The following PRKN variants were observed in gnomAD, a reference collection of about 807,000 sequenced individuals.
PRKN encodes E3 ubiquitin-protein ligase parkin.
PRKN carries 56 observed loss-of-function variants against 59.5 expected under a neutral mutation model. The observed-to-expected ratio is 0.94, with a 90% CI of 0.76 to 1.18. The LOEUF (loss-of-function observed/expected upper bound fraction) is 1.18, where lower values mean the gene tolerates loss of function less well. PRKN is among the 50% of genes most tolerant of loss of function. PRKN has a pLI of 0.00. For synonymous variants in PRKN, 250 were observed against 222.1 expected (o/e 1.13, Z -1.12); for missense variants, 657 against 596.4 (o/e 1.10, Z -1.06).
In PRKN at chr6:161,488,464, C is replaced by T. The variant is rs898198651; in HGVS notation, c.1083+60390G>A. On this transcript the variant is annotated intron_variant, in intron 9 of 11. Coordinates refer to ENST00000366898, the MANE Select transcript of PRKN (RefSeq NM_004562.3). This position sits in a 1 kb window ranked among gnomAD's most constrained non-coding sequence, Gnocchi z 4.5. ...GAGGAGCAGAGAAGATAACAGAGAC[C>T]GAGAAGGACATCTGAATTTATTATA... Among the ~76,000 whole-genome samples, 5 of 152,104 alleles carry T rather than the reference C, an allele frequency of 3.3e-5. No homozygotes were observed. The highest frequency in any genetic ancestry group is 3.9e-4 in the East Asian group (2 of 5,178).
intron 9 of PRKN, among the ~76,000 whole-genome samples, chr6:161,528,793 G>T (rs1478726228): frequency 6.6e-6 from 1 of 152,120 alleles, no homozygotes; most frequent in African/African-American, 2.4e-5. Context: ...CTGGGGAGGT[G>T]ACTTTTTGTC....
intron 6 of PRKN, among the ~76,000 whole-genome samples, chr6:161,920,291 T>C (rs1778731576): frequency 6.6e-6 from 1 of 151,570 alleles, no homozygotes; most frequent in African/African-American, 2.4e-5. Flanking sequence ...GGCTGAGGCA[T>C]GAGACGTGCT....
In PRKN at chr6:161,566,013, C is replaced by T. The variant is rs544658001; in HGVS notation, c.933+3342G>A. 5.6e-4 allele frequency among the ~76,000 whole-genome samples: 86 copies of T among 152,292 alleles called. 3 individuals carry two copies. In the South Asian group the frequency reaches 0.017, roughly 31 times the overall value. On this transcript the variant is annotated intron_variant, in intron 8 of 11. Transcript: ENST00000366898. The surrounding 1 kb of genome is among the most constrained non-coding windows in gnomAD (Gnocchi z 4.1). ...CTTCCCCCTTCTGCATCATCAGTCT[C>T]CCAACTCCTCTACTGAATCATTACC... is the stretch of plus-strand genomic sequence containing the variant.
intron 2 of PRKN, among the ~76,000 whole-genome samples, chr6:162,267,459 C>T (rs549699296): frequency 3.2e-4 from 48 of 152,218 alleles, no homozygotes; most frequent in African/African-American, 1.1e-3. Flanking sequence ...AAGAGATTTT[C>T]GGTGGGAAGA....
chr6:162,524,511 T>A (rs368226855), intron 1 of PRKN, among the ~76,000 whole-genome samples: 2 of 152,190 alleles, frequency 1.3e-5, no homozygotes, highest in Admixed American at 1.3e-4. Flanking sequence ...ATATAATGCA[T>A]GGACCTTGGT....
intron 4 of PRKN, among the ~76,000 whole-genome samples, chr6:162,186,719 G>A (rs1042075732): frequency 1.3e-5 from 2 of 152,170 alleles, no homozygotes; most frequent in African/African-American, 4.8e-5. Context: ...TTGGGATGGT[G>A]AGTGAGCTTT....
intron 4 of PRKN, among the ~76,000 whole-genome samples, chr6:162,072,637 G>A (rs1258660763): frequency 1.3e-5 from 2 of 152,140 alleles, no homozygotes; most frequent in African/African-American, 2.4e-5. Context: ...TAACTGTAAT[G>A]TACACAAGTT....
intron 1 of PRKN, among the ~76,000 whole-genome samples, chr6:162,633,585 AATC>A (rs1302103183): frequency 1.3e-5 from 2 of 152,122 alleles, no homozygotes; most frequent in African/African-American, 4.8e-5. Flanking sequence ...CTAGTTGAGA[AATC>A]ATGTGAATTC....
At chr6:161,650,627 C>T (rs994836010) in intron 7 of PRKN, among the ~76,000 whole-genome samples, 6 of 152,180 alleles carry the variant, frequency 3.9e-5, no homozygotes, top group African/African-American at 1.4e-4. Context: ...CATCACTTTA[C>T]TTAACCTCTT....
chr6:162,565,645 G>A (rs184663052), intron 1 of PRKN, among the ~76,000 whole-genome samples: 3 of 152,114 alleles, frequency 2.0e-5, no homozygotes, highest in African/African-American at 7.2e-5. Context: ...AGCTGAGATC[G>A]TGCCATTGCA....
intron 7 of PRKN, among the ~76,000 whole-genome samples, chr6:161,690,265 T>G (rs906751636): frequency 1.3e-5 from 2 of 152,164 alleles, no homozygotes; most frequent in Non-Finnish European, 2.9e-5. Flanking sequence ...TGGAAGGCAC[T>G]GCTGCGCACC....
intron 9 of PRKN, among the ~76,000 whole-genome samples, chr6:161,408,317 T>TAAAAAAAAAAAAAAAAAAA (rs35131999): frequency 1.0e-5 from 1 of 99,538 alleles, no homozygotes. Flanking sequence ...GAAAAACTGG[T>TAAAAAAAAAAAAAAAAAAA]AAAAAAAAAA....
chr6:161,508,603 A>G (rs974986985), intron 9 of PRKN, among the ~76,000 whole-genome samples: 3 of 152,036 alleles, frequency 2.0e-5, no homozygotes, highest in South Asian at 4.1e-4. Context: ...CCCTTAATAC[A>G]CTTAATAAAT....
intron 1 of PRKN, among the ~76,000 whole-genome samples, chr6:162,561,142 G>A (rs535190698): frequency 4.6e-5 from 7 of 152,110 alleles, no homozygotes; most frequent in Non-Finnish European, 8.8e-5. Flanking sequence ...AGTCCCAAGC[G>A]CATGGAGTGA....
chr6:161,626,216 T>C (rs1783082656), intron 7 of PRKN, among the ~76,000 whole-genome samples: 2 of 152,160 alleles, frequency 1.3e-5, no homozygotes, highest in Admixed American at 1.3e-4. Context: ...CCAGCCTGTT[T>C]TGGCGTAACC....
At chr6:161,868,727 A>G (rs1451744947) in intron 6 of PRKN, among the ~76,000 whole-genome samples, 1 of 152,236 alleles carries the variant, frequency 6.6e-6, no homozygotes, top group African/African-American at 2.4e-5. Flanking sequence ...TGAAAAGGCT[A>G]AGAAAGATGA....
chr6:161,862,040 C>A (rs1009345171), intron 6 of PRKN, among the ~76,000 whole-genome samples: 1 of 152,212 alleles, frequency 6.6e-6, no homozygotes, highest in African/African-American at 2.4e-5. Context: ...CACATCACTG[C>A]AATCTTTGCC....
At chr6:161,845,383 G>A (rs989959765) in intron 6 of PRKN, among the ~76,000 whole-genome samples, 1 of 152,134 alleles carries the variant, frequency 6.6e-6, no homozygotes, top group Non-Finnish European at 1.5e-5. Flanking sequence ...GACATTCTAA[G>A]GAAAACCATG....
At chr6:162,602,837 G>C (rs1781763452) in intron 1 of PRKN, among the ~76,000 whole-genome samples, 1 of 152,160 alleles carries the variant, frequency 6.6e-6, no homozygotes, top group Non-Finnish European at 1.5e-5. Context: ...TGGCCTTTTA[G>C]AAAGCAATGG....
Sources: gnomAD v4.1 joint callset for allele counts (sites outside exome capture counted in the v4.1 genomes callset) on GRCh38, gnomAD v4.1.1 for gene constraint, Gnocchi (gnomAD v3.1) non-coding constraint, MANE v1.5 for transcripts, NCBI Gene and HGNC (gene_info 2026-07-23, HGNC 2026-07-21) for gene names.